The following DTNBP1 variants were observed in gnomAD, a reference collection of about 807,000 sequenced individuals.
DTNBP1 encodes the protein dystrobrevin binding protein 1.
Under a neutral mutation model 42.8 loss-of-function variants are expected in DTNBP1, and 35 were observed. The observed-to-expected ratio is 0.82, with a 90% CI of 0.63 to 1.09. DTNBP1 has a LOEUF of 1.09. Ranked by LOEUF, DTNBP1 falls within the 50% of genes least tolerant of loss-of-function variation. The pLI, the probability that DTNBP1 is intolerant of heterozygous loss-of-function variation, is 0.00. For missense variants in DTNBP1, 457 were observed against 424.2 expected, an observed-to-expected ratio of 1.08 and a Z score of -0.68; for synonymous variants, 171 against 162.2, an observed-to-expected ratio of 1.05 and a Z score of -0.41.
intron 5 of DTNBP1, among the ~76,000 whole-genome samples, chr6:15,616,424 T>C (rs1243327460): frequency 6.6e-6 from 1 of 152,104 alleles, no homozygotes; most frequent in African/African-American, 2.4e-5. Context: ...TATATTTCAA[T>C]GGCAACAGAG....
At chr6:15,595,598 G>A (rs1776486291) in intron 6 of DTNBP1, among the ~76,000 whole-genome samples, 1 of 152,074 alleles carries the variant, frequency 6.6e-6, no homozygotes, top group Non-Finnish European at 1.5e-5. Flanking sequence ...AACTGATGAG[G>A]TAAAGCAGCA....
At chr6:15,555,506 C>A (rs932630843) in intron 7 of DTNBP1, among the ~76,000 whole-genome samples, 1 of 152,118 alleles carries the variant, frequency 6.6e-6, no homozygotes, top group Non-Finnish European at 1.5e-5. Context: ...CTGCCAAAAC[C>A]CACCAAATCC....
intron 8 of DTNBP1, among the ~76,000 whole-genome samples, chr6:15,525,590 G>A (rs1471671868): frequency 6.6e-6 from 1 of 152,128 alleles, no homozygotes; most frequent in Non-Finnish European, 1.5e-5. Context: ...CAAAAACAAG[G>A]TGTCAAAAAT....
Position 15,592,997 on chromosome 6 carries a change from G to C in DTNBP1, c.511+62C>G. ...AAATGAGTTTGTTCATCATTGTCGA[G>C]AGAACATCTGATACCAATGAACTCT... On this transcript the variant is annotated intron_variant, in intron 7 of 9. Transcript: ENST00000344537. 16 of 1,431,468 alleles carry C rather than the reference G, an allele frequency of 1.1e-5. 2 individuals are homozygous for C. The South Asian group carries it at 1.9e-4, about 17-fold the overall frequency. The allele number at this position is 1,431,468 out of a possible 1,614,324, so 88.7% of individuals were successfully genotyped here.
At chr6:15,614,650 C>A (rs1758614424) in intron 6 of DTNBP1, among the ~76,000 whole-genome samples, 1 of 152,210 alleles carries the variant, frequency 6.6e-6, no homozygotes. Context: ...TTTTCCATCT[C>A]CAGTTCAGGT....
intron 7 of DTNBP1, among the ~76,000 whole-genome samples, chr6:15,592,311 C>A (rs1375101945): frequency 6.6e-6 from 1 of 152,174 alleles, no homozygotes; most frequent in East Asian, 1.9e-4. Flanking sequence ...AAAAAGTTTT[C>A]TCAGTTATTG....
Position 15,662,986 on chromosome 6 carries a change from G to C in DTNBP1, c.-117C>G, listed in dbSNP as rs745690476. On this transcript the variant is annotated 5_prime_UTR_variant, in exon 1 of 10. Transcript: ENST00000344537. The stretch of plus-strand genomic sequence containing the variant: ...CCGCGCGCCCCGCACTCCCACTACC[G>C]GCCCCGCCCCCGGTCTGGTCCTCGC... The C allele has an allele frequency of 7.0e-7, 1 of 1,425,404 alleles. No individual in the cohort carries two copies. 88.3% of individuals were successfully genotyped at this position (1,425,404 alleles called of 1,614,324 possible).
At chr6:15,613,698 T>A (rs1015706123) in intron 6 of DTNBP1, among the ~76,000 whole-genome samples, 18 of 152,070 alleles carry the variant, frequency 1.2e-4, no homozygotes, top group African/African-American at 4.1e-4. Flanking sequence ...CCAAATGCCC[T>A]CCTACAATCT....
rs1776142133 is a variant in DTNBP1, at chr6:15,587,836, A to C, written c.511+5223T>G. ...GATCACAGACCTAAATGTAAGAGCT[A>C]ACTAGTGTTGTCAAGGATGAGGAGA... On this transcript the variant is annotated intron_variant, in intron 7 of 9. Coordinates refer to ENST00000344537, the MANE Select transcript of DTNBP1 (RefSeq NM_032122.5). The surrounding 1 kb of genome is among the most constrained non-coding windows in gnomAD (Gnocchi z 4.1). Among the ~76,000 whole-genome samples the C allele has an allele frequency of 1.3e-5, 2 of 152,196 alleles. No homozygotes were observed. Among genetic ancestry groups the C allele is most frequent in the Admixed American group, 1.3e-4 (2 of 15,288 alleles).
intron 4 of DTNBP1, among the ~76,000 whole-genome samples, chr6:15,633,808 C>A (rs532392588): frequency 6.6e-6 from 1 of 151,990 alleles, no homozygotes; most frequent in South Asian, 2.1e-4. Flanking sequence ...AAAAAACAAA[C>A]AAAACTCTCA....
chr6:15,577,767 T>G (rs571617447), intron 7 of DTNBP1, among the ~76,000 whole-genome samples: 3 of 152,160 alleles, frequency 2.0e-5, no homozygotes, highest in African/African-American at 7.2e-5. Context: ...TGGGTGGTAT[T>G]TAAAGCCTTG....
intron 7 of DTNBP1, 98 bp downstream of exon 7, chr6:15,592,961 C>G (rs751477138): frequency 1.5e-4 from 184 of 1,241,602 alleles, no homozygotes; most frequent in Non-Finnish European, 1.9e-4. Flanking sequence ...TTTATGTAAA[C>G]TGATTTTAAA....
At chr6:15,625,929 C>G (rs1052988327) in intron 5 of DTNBP1, among the ~76,000 whole-genome samples, 1 of 152,214 alleles carries the variant, frequency 6.6e-6, no homozygotes, top group Non-Finnish European at 1.5e-5. Flanking sequence ...CCAATGCAGA[C>G]GGCAATCACA....
chr6:15,584,790 T>C (rs1233814297), intron 7 of DTNBP1, among the ~76,000 whole-genome samples: 3 of 146,336 alleles, frequency 2.1e-5, no homozygotes, highest in Non-Finnish European at 4.5e-5. Flanking sequence ...CCATAACGTA[T>C]GCCAACTAAA....
chr6:15,612,349 A>G (rs1758455046), intron 6 of DTNBP1, among the ~76,000 whole-genome samples: 1 of 152,196 alleles, frequency 6.6e-6, no homozygotes, highest in Admixed American at 6.5e-5. Context: ...TATATGCACT[A>G]GGAAAGCAAA....
At chr6:15,556,517 T>G (rs1213090670) in intron 7 of DTNBP1, among the ~76,000 whole-genome samples, 1 of 152,206 alleles carries the variant, frequency 6.6e-6, no homozygotes, top group Non-Finnish European at 1.5e-5. Flanking sequence ...TGCTCTTTGC[T>G]GTTGGCTGTG....
At chr6:15,572,647 CAG>C (rs1178256786) in intron 7 of DTNBP1, among the ~76,000 whole-genome samples, 3 of 152,170 alleles carry the variant, frequency 2.0e-5, no homozygotes. Context: ...TTTCATTTTT[CAG>C]AGAGGGAACT....
At chr6:15,578,298 T>A (rs1226114754) in intron 7 of DTNBP1, among the ~76,000 whole-genome samples, 1 of 152,190 alleles carries the variant, frequency 6.6e-6, no homozygotes, top group African/African-American at 2.4e-5. Flanking sequence ...CAATGAGGAA[T>A]GGGATCAGGG....
chr6:15,576,001 TG>T (rs1775547202), intron 7 of DTNBP1, among the ~76,000 whole-genome samples: 1 of 152,234 alleles, frequency 6.6e-6, no homozygotes, highest in Non-Finnish European at 1.5e-5. Flanking sequence ...GGATGACTTT[TG>T]TCTACTATGG....
Sources: allele counts gnomAD v4.1 joint callset (sites outside exome capture counted in the v4.1 genomes callset), GRCh38; gene constraint gnomAD v4.1.1; non-coding constraint Gnocchi (gnomAD v3.1); transcripts MANE v1.5; gene names NCBI Gene and HGNC (gene_info 2026-07-23, HGNC 2026-07-21).